Variants in TESK1 observed in about 807,000 individuals in gnomAD.
The protein encoded by TESK1 is testis associated actin remodelling kinase 1, also known as dual specificity testis-specific protein kinase 1.
A neutral mutation model predicts 59.9 loss-of-function variants in TESK1; 18 were observed. That is an observed-to-expected ratio of 0.30 (90% CI 0.21 to 0.45). The LOEUF (loss-of-function observed/expected upper bound fraction) is 0.45. TESK1 is among the 20% of genes least tolerant of loss of function. TESK1 has a pLI of 1.00. For missense variants in TESK1, 748 were observed against 840.9 expected, an observed-to-expected ratio of 0.89 and a Z score of 1.37; for synonymous variants, 341 against 357.4, an observed-to-expected ratio of 0.95 and a Z score of 0.52.
chr9:35,608,993 G>A lies in TESK1; in HGVS notation c.1132G>A (p.Val378Ile), dbSNP rs1822912815. ...PPNWGDNLTR[V>I]NPFSLREDLR... ...CAACTGGGGGGACAATCTGACTCGA[G>A]TCAACCCCTTCTCACTACGGGAAGA... is the stretch of plus-strand genomic sequence containing the variant. The change falls in exon 10 of 10, where the codon GTC becomes ATC. Residue 378 changes from valine to isoleucine, a missense_variant. Val to Ile is a conservative substitution (Grantham distance 29, BLOSUM62 3). Coordinates refer to ENST00000336395, the MANE Select transcript of TESK1 (RefSeq NM_006285.3). 1 of 1,614,184 alleles carries A rather than the reference G, an allele frequency of 6.2e-7. No homozygotes were observed. Among genetic ancestry groups the A allele is most frequent in the Middle Eastern group, 1.7e-4 (1 of 6,060 alleles).
Position 35,609,476 on chromosome 9 carries a change from C to G in TESK1, c.1615C>G (p.His539Asp), listed in dbSNP as rs1373248755. The G allele has an allele frequency of 1.2e-6, 2 of 1,605,394 alleles. No homozygotes were observed. Among genetic ancestry groups the G allele is most frequent in the African/African-American group, 1.3e-5 (1 of 74,896 alleles). Residue 539 changes from histidine to aspartate, a missense_variant, in exon 10 of 10, where the codon CAT becomes GAT. Transcript: ENST00000336395. The surrounding 1 kb of genome is among the most constrained non-coding windows in gnomAD (Gnocchi z 6.7). ...TGGGGAGCCCTGGAACCGGGCCCAG[C>G]ATAGCCTGCCCCGGGCGGCAGCCCT... ...WAGEPWNRAQHSLPRAAALER... is the reference protein window; with the variant it reads ...WAGEPWNRAQDSLPRAAALER...
At position 35,607,446 on chromosome 9, in the gene TESK1, G is replaced by A. The variant is rs1250577422; in HGVS notation, c.620+37G>A. The A allele has an allele frequency of 1.9e-6, 3 of 1,612,054 alleles. No homozygotes were observed. Among genetic ancestry groups the A allele is most frequent in the African/African-American group, 2.7e-5 (2 of 74,962 alleles). On this transcript the variant is annotated intron_variant, in intron 5 of 9. Transcript: ENST00000336395. This position sits in a 1 kb window ranked among gnomAD's most constrained non-coding sequence, Gnocchi z 4.5. ...GTCCCTGTTCCCCCCAAATCTCCCA[G>A]AGTGCCCCTATCTGATGTCCCCAGA...
rs552742883 is a variant in TESK1, at chr9:35,605,287, G to A, written c.-333G>A. ...GGAGCCTGATCCCCGGCGGCTAAGC[G>A]GAGCAGCCGCCGCCCGCCCGCCCGC... On this transcript the variant is annotated 5_prime_UTR_variant, in exon 1 of 10. Transcript: ENST00000336395. 2 of 148,776 alleles carry A rather than the reference G, an allele frequency of 1.3e-5. No individual in the cohort carries two copies. The highest frequency in any genetic ancestry group is 6.7e-5 in the Admixed American group (1 of 14,908). The allele number at this position is 148,776 out of a possible 1,614,324, so 9.2% of individuals were successfully genotyped here.
In TESK1 at chr9:35,605,412, G is replaced by C. The variant is rs1402978606; in HGVS notation, c.-208G>C. ...CCAGGCCCAAGCCCAGGCCCTGCGC[G>C]GAGCGGAGCGGCGCGGCGTCCACCC... On this transcript the variant is annotated 5_prime_UTR_variant, in exon 1 of 10. Coordinates refer to ENST00000336395, the MANE Select transcript of TESK1 (RefSeq NM_006285.3). The C allele has an allele frequency of 1.1e-5, 2 of 179,166 alleles. No individual in the cohort carries two copies. Among genetic ancestry groups the C allele is most frequent in the Non-Finnish European group, 2.3e-5 (2 of 87,194 alleles). The allele number at this position is 179,166 out of a possible 1,614,324, so 11.1% of individuals were successfully genotyped here. A position where few individuals can be genotyped will look rare whatever the true frequency, so the allele number is the denominator to read the frequency against.
Position 35,607,429 on chromosome 9 carries a change from TC to T in TESK1, c.620+26del, listed in dbSNP as rs748693805. On this transcript the variant is annotated intron_variant, in intron 5 of 9. Coordinates refer to ENST00000336395, the MANE Select transcript of TESK1 (RefSeq NM_006285.3). This position sits in a 1 kb window ranked among gnomAD's most constrained non-coding sequence, Gnocchi z 4.5. ...GTATAGGTGAGATGAATGTCCCTGT[TC>T]CCCCCAAATCTCCCAGAGTGCCCCT... 6.2e-7 allele frequency: 1 copy of T among 1,613,580 alleles called. No homozygotes were observed. Among genetic ancestry groups the T allele is most frequent in the Admixed American group, 1.7e-5 (1 of 59,970 alleles).
chr9:35,608,778 A>G, intron 9 of TESK1, 84 bp from the exon 10 acceptor site: 5 of 1,477,944 alleles, frequency 3.4e-6, no homozygotes, highest in Non-Finnish European at 4.5e-6. Flanking sequence ...CTCTAGTCCC[A>G]CCAGCCTCCT....
rs1563891575 is a variant in TESK1, at chr9:35,607,347, A to G, written c.558A>G (p.Glu186=). 5 of 1,614,166 alleles carry G rather than the reference A, an allele frequency of 3.1e-6. No individual in the cohort carries two copies. In the South Asian group the frequency reaches 3.3e-5, roughly 11 times the overall value. Residue 186 remains glutamate (E), a synonymous_variant, in exon 5 of 10, where the codon GAA becomes GAG. Coordinates refer to ENST00000336395, the MANE Select transcript of TESK1 (RefSeq NM_006285.3). The surrounding 1 kb of genome is among the most constrained non-coding windows in gnomAD (Gnocchi z 4.5). ...GTCAGAACTGTCTAGTCCGACGGGA[A>G]GATCGAGGCTTCACCGCTGTCGTGG... is the stretch of plus-strand genomic sequence containing the variant. The part of the protein sequence containing the change: ...LTSKNCLVRR[E]DRGFTAVVGD...
At chr9:35,608,727 C>T in intron 9 of TESK1, 135 bp from the exon 10 acceptor site, 1 of 1,094,022 alleles carries the variant, frequency 9.1e-7, no homozygotes, top group Non-Finnish European at 1.3e-6. Context: ...GAGATGACAT[C>T]ACCCCTTTCC....
rs945613750 is a variant in TESK1 at position 35,609,469 on chromosome 9, G to A, written c.1608G>A (p.Arg536=). 6.2e-7 allele frequency: 1 copy of A among 1,605,988 alleles called. No homozygotes were observed. Among genetic ancestry groups the A allele is most frequent in the African/African-American group, 1.3e-5 (1 of 74,758 alleles). Residue 536 remains arginine (R), a synonymous_variant, in exon 10 of 10, where the codon CGG becomes CGA. Coordinates refer to ENST00000336395, the MANE Select transcript of TESK1 (RefSeq NM_006285.3). The surrounding 1 kb of genome is among the most constrained non-coding windows in gnomAD (Gnocchi z 6.7). ...GCTGGGCTGGGGAGCCCTGGAACCG[G>A]GCCCAGCATAGCCTGCCCCGGGCGG... The part of the protein sequence containing the change: ...PQGWAGEPWN[R]AQHSLPRAAA...
chr9:35,608,368 G>A (rs1156923265), intron 8 of TESK1, 27 bp from the exon 9 acceptor site: 13 of 1,612,336 alleles, frequency 8.1e-6, no homozygotes, highest in Non-Finnish European at 1.0e-5. Flanking sequence ...AGCACTGAGT[G>A]AAGCCGTTCC....
Position 35,608,199 on chromosome 9 carries a change from G to A in TESK1, c.835G>A (p.Gly279Arg). ...TGTGCCTGCTTTCCGAACTCTGGTG[G>A]GGGATGACTGCCCACTGCCTTTCTT... is the stretch of plus-strand genomic sequence containing the variant. ...LDVPAFRTLVGDDCPLPFLLL... is the reference protein window; with the variant it reads ...LDVPAFRTLVRDDCPLPFLLL... The change falls in exon 8 of 10, where the codon GGG becomes AGG. Residue 279 changes from glycine (G) to arginine (R), a missense_variant. Physicochemically the swap from Gly to Arg is moderately radical, Grantham distance 125. Around this residue, in one of 3 missense-constraint regions of TESK1, gnomAD observed 447 missense variants for 466.1 expected, o/e 0.96. Coordinates refer to ENST00000336395, the MANE Select transcript of TESK1 (RefSeq NM_006285.3). 6.2e-7 allele frequency: 1 copy of A among 1,614,164 alleles called. No homozygotes were observed. Among genetic ancestry groups the A allele is most frequent in the Non-Finnish European group, 8.5e-7 (1 of 1,180,028 alleles).
chr9:35,609,478 T>A lies in TESK1; in HGVS notation c.1617T>A (p.His539Gln), dbSNP rs368734826. 3 of 1,605,272 alleles carry A rather than the reference T, an allele frequency of 1.9e-6. No homozygotes were observed. The African/African-American group carries it at 4.0e-5, about 21-fold the overall frequency. The change falls in exon 10 of 10, where the codon CAT becomes CAA. Residue 539 changes from histidine (H) to glutamine (Q), a missense_variant. Coordinates refer to ENST00000336395, the MANE Select transcript of TESK1 (RefSeq NM_006285.3). The surrounding 1 kb of genome is among the most constrained non-coding windows in gnomAD (Gnocchi z 6.7). ...GGGAGCCCTGGAACCGGGCCCAGCA[T>A]AGCCTGCCCCGGGCGGCAGCCCTGG... ...WAGEPWNRAQHSLPRAAALER... is the reference protein window; with the variant it reads ...WAGEPWNRAQQSLPRAAALER...
chr9:35,607,805 A>G lies in TESK1; in HGVS notation c.712-123A>G. On this transcript the variant is annotated intron_variant, in intron 6 of 9. Coordinates refer to ENST00000336395, the MANE Select transcript of TESK1 (RefSeq NM_006285.3). This position sits in a 1 kb window ranked among gnomAD's most constrained non-coding sequence, Gnocchi z 4.5. ...CAAGATCCCTTTGCCCCTCACAGGC[A>G]CCCTTCTAACACATGAAAACTGTCA... 7.8e-7 allele frequency: 1 copy of G among 1,281,334 alleles called. No homozygotes were observed. Among genetic ancestry groups the G allele is most frequent in the Middle Eastern group, 1.9e-4 (1 of 5,340 alleles). 79.4% of individuals were successfully genotyped at this position (1,281,334 alleles called of 1,614,324 possible).
Position 35,609,688 on chromosome 9 carries a change from G to T in TESK1, c.1827G>T (p.Gly609=). 1 of 1,601,734 alleles carries T rather than the reference G, an allele frequency of 6.2e-7. No homozygotes were observed. Among genetic ancestry groups the T allele is most frequent in the Non-Finnish European group, 8.5e-7 (1 of 1,179,804 alleles). Residue 609 remains glycine (G), a synonymous_variant, in exon 10 of 10, where the codon GGG becomes GGT. Coordinates refer to ENST00000336395, the MANE Select transcript of TESK1 (RefSeq NM_006285.3). This position sits in a 1 kb window ranked among gnomAD's most constrained non-coding sequence, Gnocchi z 6.7. ...CGGGCAGTCTCCTCTGCCACCGAGG[G>T]CACCACGCCAAGCCACCCACACCCA... The part of the protein sequence containing the change: ...CEAGSLLCHR[G]HHAKPPTPSL...
In TESK1 at chr9:35,609,618, G is replaced by T; in HGVS notation, c.1757G>T (p.Arg586Leu). Residue 586 changes from arginine (R) to leucine (L), a missense_variant, in exon 10 of 10, where the codon CGC becomes CTC. Transcript: ENST00000336395. The surrounding 1 kb of genome is among the most constrained non-coding windows in gnomAD (Gnocchi z 6.7). ...TTTGGCTTCCTGTCCATGTGCCCCC[G>T]CCCCACACCAGCTGTTGCCCGCTAC... ...FSFGFLSMCP[R>L]PTPAVARYRN... The T allele has an allele frequency of 6.2e-7, 1 of 1,611,128 alleles. No individual in the cohort carries two copies.
chr9:35,608,648 T>C, intron 9 of TESK1, 139 bp downstream of exon 9: 1 of 936,864 alleles, frequency 1.1e-6, no homozygotes, highest in African/African-American at 1.7e-5. Flanking sequence ...TGGGAGGACA[T>C]CTCCAAGAAG....
At chr9:35,608,627 C>A (rs1228628069) in intron 9 of TESK1, 118 bp downstream of exon 9, 16 of 882,250 alleles carry the variant, frequency 1.8e-5, no homozygotes, top group Non-Finnish European at 2.3e-5. Context: ...GGGGGTCGGG[C>A]TGGGGTAGGG....
chr9:35,608,907 A>C lies in TESK1; in HGVS notation c.1046A>C (p.Asp349Ala). 1.2e-6 allele frequency: 2 copies of C among 1,611,356 alleles called. No homozygotes were observed. Among genetic ancestry groups the C allele is most frequent in the East Asian group, 4.5e-5 (2 of 44,824 alleles). Reference sequence around the variant, plus strand: ...CCCTCTGCCACGCTTCCCAGGCCAGATCCCCGGCTTTCCCGAAGCCGGTCA... The same window carrying C: ...CCCTCTGCCACGCTTCCCAGGCCAGCTCCCCGGCTTTCCCGAAGCCGGTCA... ...GGPSATLPRP[D>A]PRLSRSRSDL... The change falls in exon 10 of 10, where the codon GAT (aspartate) becomes GCT (alanine). Residue 349 changes from aspartate to alanine, a missense_variant. Coordinates refer to ENST00000336395, the MANE Select transcript of TESK1 (RefSeq NM_006285.3).
Position 35,605,450 on chromosome 9 carries a change from C to A in TESK1, c.-170C>A. On this transcript the variant is annotated 5_prime_UTR_variant, in exon 1 of 10. Coordinates refer to ENST00000336395, the MANE Select transcript of TESK1 (RefSeq NM_006285.3). ...GCGGCGTCCACCCGGGCCCAGCCAG[C>A]CGGCGCGGCGGGGGCGGGTCCAGGA... 4.5e-6 allele frequency: 1 copy of A among 219,808 alleles called. No homozygotes were observed. The highest frequency in any genetic ancestry group is 8.8e-6 in the Non-Finnish European group (1 of 113,956). The allele number at this position is 219,808 out of a possible 1,614,324, so 13.6% of individuals were successfully genotyped here.
Sources: allele counts gnomAD v4.1 joint callset, GRCh38; gene constraint gnomAD v4.1.1; regional missense constraint gnomAD v4.1.1; non-coding constraint Gnocchi (gnomAD v3.1); transcripts MANE v1.5; gene names NCBI Gene and HGNC (gene_info 2026-07-23, HGNC 2026-07-21).